CFAP298: variants seen among roughly 807,000 people sequenced by gnomAD.
The protein encoded by CFAP298 is cilia and flagella associated protein 298, also known as cilia- and flagella-associated protein 298.
In CFAP298, 38 loss-of-function variants were observed where a neutral mutation model predicts 41.0. That is an observed-to-expected ratio of 0.93 (90% CI 0.72 to 1.22). The LOEUF is 1.22. Ranked by LOEUF, CFAP298 falls within the 50% of genes most tolerant of loss-of-function variation. The pLI is 0.00. For synonymous variants in CFAP298, 137 were observed against 135.3 expected, an observed-to-expected ratio of 1.01 and a Z score of -0.09; for missense variants, 348 against 360.3, an observed-to-expected ratio of 0.97 and a Z score of 0.28.
Position 32,604,298 on chromosome 21 carries a change from C to T in CFAP298, c.376-15G>A. 1.2e-6 allele frequency: 2 copies of T among 1,613,836 alleles called. No individual in the cohort carries two copies. Among genetic ancestry groups the T allele is most frequent in the Non-Finnish European group, 8.5e-7 (1 of 1,179,842 alleles). ...TCCACTTGTTTCTGCAAGCAGAAAG[C>T]CATCGTTATCTACAGTGTGGCTAAT... On this transcript the variant is annotated splice_polypyrimidine_tract_variant and intron_variant, in intron 3 of 6. Transcript: ENST00000290155.
At chr21:32,608,482 C>A (rs2038917677) in intron 2 of CFAP298, among the ~76,000 whole-genome samples, 1 of 151,726 alleles carries the variant, frequency 6.6e-6, no homozygotes. Flanking sequence ...CATGCTGAAA[C>A]CCTGTCTCTA....
chr21:32,603,288 C>A lies in CFAP298; in HGVS notation c.539G>T (p.Gly180Val). 6.2e-7 allele frequency: 1 copy of A among 1,614,110 alleles called. No homozygotes were observed. Among genetic ancestry groups the A allele is most frequent in the South Asian group, 1.1e-5 (1 of 91,086 alleles). Reference protein sequence around the residue: ...NKEDLSGTQAGLNVIKEAEAQ... With the variant: ...NKEDLSGTQAVLNVIKEAEAQ... Reference sequence around the variant, plus strand: ...CTCTGCCTCTTTAATGACGTTGAGCCCTGCCTGGGGCCAGTCGTAAGAATG... The same window carrying A: ...CTCTGCCTCTTTAATGACGTTGAGCACTGCCTGGGGCCAGTCGTAAGAATG... Residue 180 changes from glycine (G) to valine (V), a missense_variant, in exon 5 of 7, where the codon GGG becomes GTG. Transcript: ENST00000290155.
rs746338774 is a variant in CFAP298 at position 32,601,926 on chromosome 21, C to T, written c.810G>A (p.Ala270=). The T allele has an allele frequency of 1.5e-5, 25 of 1,613,052 alleles. No homozygotes were observed. Among genetic ancestry groups the T allele is most frequent in the South Asian group, 3.3e-5 (3 of 91,058 alleles). The stretch of plus-strand genomic sequence containing the variant: ...AATGTCTTTTCAAAGCAGTGTTATC[C>T]GCCCATGGTGAGTTTAAATAGGCAT... ...DDDAYLNSPW[A]DNTALKRHFH... is the part of the protein sequence containing the mutation. Residue 270 remains alanine (A), a synonymous_variant, in exon 7 of 7, where the codon GCG becomes GCA. Coordinates refer to ENST00000290155, the MANE Select transcript of CFAP298 (RefSeq NM_021254.4).
At chr21:32,608,302 C>T (rs9974568) in intron 2 of CFAP298, among the ~76,000 whole-genome samples, 1 of 150,700 alleles carries the variant, frequency 6.6e-6, no homozygotes, top group Non-Finnish European at 1.5e-5. Context: ...CCATACATTC[C>T]TAGTAAATAA....
chr21:32,602,819 A>G, intron 5 of CFAP298: 1 of 1,392,748 alleles, frequency 7.2e-7, no homozygotes, highest in East Asian at 2.8e-5. Context: ...TCCTGTACAC[A>G]GCATCAGCAG....
chr21:32,602,606 C>T, intron 5 of CFAP298: 11 of 1,324,560 alleles, frequency 8.3e-6, no homozygotes, highest in Non-Finnish European at 1.1e-5. Flanking sequence ...CTTGACCATT[C>T]CCAAGGCAGA....
chr21:32,605,812 T>C lies in CFAP298; in HGVS notation c.376-1529A>G, dbSNP rs567267504. Among the ~76,000 whole-genome samples, 15 of 152,312 alleles carry C rather than the reference T, an allele frequency of 9.8e-5. No homozygotes were observed. In the South Asian group the frequency reaches 3.1e-3, roughly 32 times the overall value. On this transcript the variant is annotated intron_variant, in intron 3 of 6. Coordinates refer to ENST00000290155, the MANE Select transcript of CFAP298 (RefSeq NM_021254.4). Reference sequence around the variant, plus strand: ...TAACTCCAGGCAGTTAGTGTCAGAATTGAAGGATCTGCCCTTGACCTGTGG... The same window carrying C: ...TAACTCCAGGCAGTTAGTGTCAGAACTGAAGGATCTGCCCTTGACCTGTGG...
rs113336970 is a variant in CFAP298, at chr21:32,602,091, T to C, written c.763-118A>G. ...CTCTCCCTGCCCTCTAGGAGCAGGA[T>C]ACTGCCATGTCTAACACCAGGGGAC... On this transcript the variant is annotated intron_variant, in intron 6 of 6. Transcript: ENST00000290155. The C allele has an allele frequency of 6.7e-4, 573 of 855,362 alleles. 4 individuals carry two copies. In the African/African-American group the frequency reaches 7.9e-3, roughly 12 times the overall value. 53.0% of individuals were successfully genotyped at this position (855,362 alleles called of 1,614,324 possible).
intron 1 of CFAP298, among the ~76,000 whole-genome samples, chr21:32,611,343 T>TAAA (rs1386033154): frequency 8.3e-6 from 1 of 121,112 alleles, no homozygotes; most frequent in Non-Finnish European, 1.7e-5. Flanking sequence ...ATATATAATT[T>TAAA]ATTTATATTT....
rs1491095261 is a variant in CFAP298, at chr21:32,611,341, T to TATATATATATATATATATATATA, written c.139+763_139+764insTATATATATATATATATATATAT. Reference sequence around the variant, plus strand: ...ACCATATATATATATATATATATAATTTATTTATATTTATATATACATATA... The same window carrying TATATATATATATATATATATATA: ...ACCATATATATATATATATATATAATATATATATATATATATATATATATTATTTATATTTATATATACATATA... On this transcript the variant is annotated intron_variant, in intron 1 of 6. Transcript: ENST00000290155. Among the ~76,000 whole-genome samples, 244 of 118,076 alleles carry TATATATATATATATATATATATA rather than the reference T, an allele frequency of 2.1e-3. 2 individuals carry two copies. Among genetic ancestry groups the TATATATATATATATATATATATA allele is most frequent in the African/African-American group, 4.8e-3 (116 of 24,354 alleles). The allele number at this position is 118,076 out of a possible 152,430, so 77.5% of individuals were successfully genotyped here.
Position 32,604,285 on chromosome 21 carries a change from T to C in CFAP298, c.376-2A>G. The C allele has an allele frequency of 1.2e-6, 2 of 1,614,100 alleles. No homozygotes were observed. Among genetic ancestry groups the C allele is most frequent in the Non-Finnish European group, 1.7e-6 (2 of 1,180,022 alleles). On this transcript the variant is annotated splice_acceptor_variant, in intron 3 of 6. Transcript: ENST00000290155. LOFTEE classifies it high-confidence loss of function. ...ACAGACACCGGCTTCCACTTGTTTC[T>C]GCAAGCAGAAAGCCATCGTTATCTA...
rs2038952260 is a variant in CFAP298 at position 32,609,931 on chromosome 21, C to T, written c.214G>A (p.Glu72Lys). Residue 72 changes from glutamate (E) to lysine (K), a missense_variant, in exon 2 of 7, where the codon GAA (glutamate) becomes AAA (lysine). Glu to Lys is a moderately conservative substitution (Grantham distance 56, BLOSUM62 1). Transcript: ENST00000290155. ...MQGLTDDQIE[E>K]LKLKDEWGEK... ...CCCCATTCATCCTTCAATTTCAATT[C>T]TTCAATCTGATCATCGGTCAGTCCT... The T allele has an allele frequency of 6.2e-7, 1 of 1,614,118 alleles. No homozygotes were observed. Among genetic ancestry groups the T allele is most frequent in the East Asian group, 2.2e-5 (1 of 44,884 alleles).
chr21:32,607,890 T>C (rs2038903287), intron 2 of CFAP298, among the ~76,000 whole-genome samples, 174 bp from the exon 3 acceptor site: 2 of 152,176 alleles, frequency 1.3e-5, no homozygotes, highest in Admixed American at 1.3e-4. Context: ...GGTGAAGACC[T>C]CTTCCCAACA....
At chr21:32,611,343 T>TATATATAAA (rs1568998532) in intron 1 of CFAP298, among the ~76,000 whole-genome samples, 9 of 121,138 alleles carry the variant, frequency 7.4e-5, no homozygotes, top group Non-Finnish European at 1.7e-5. Flanking sequence ...ATATATAATT[T>TATATATAAA]ATTTATATTT....
At position 32,599,449 on chromosome 21, in the gene CFAP298, C is replaced by G. The variant is rs984893834; in HGVS notation, c.*2414G>C. 6.6e-6 allele frequency among the ~76,000 whole-genome samples: 1 copy of G among 152,164 alleles called. No homozygotes were observed. On this transcript the variant is annotated 3_prime_UTR_variant, in exon 7 of 7. Transcript: ENST00000290155. ...TATGTCAAAGGACAAAACCACAGACCTAGATGGGCACCGTGCATACAGCAG... is the reference window on the plus strand; with the variant it reads ...TATGTCAAAGGACAAAACCACAGACGTAGATGGGCACCGTGCATACAGCAG...
intron 2 of CFAP298, 29 bp downstream of exon 2, chr21:32,609,809 A>C: frequency 6.3e-7 from 1 of 1,596,116 alleles, no homozygotes; most frequent in Non-Finnish European, 8.6e-7. Flanking sequence ...TGTATCAAGC[A>C]TGCACATAGA....
chr21:32,610,153 G>C (rs980851328), intron 1 of CFAP298, 148 bp from the exon 2 acceptor site: 1 of 713,188 alleles, frequency 1.4e-6, no homozygotes, highest in African/African-American at 1.8e-5. Context: ...GCCAGACCTG[G>C]CCTGGGCCTT....
chr21:32,612,214 G>T lies in CFAP298; in HGVS notation c.30C>A (p.Asp10Glu). Residue 10 changes from aspartate to glutamate, a missense_variant, in exon 1 of 7, where the codon GAC becomes GAA. Transcript: ENST00000290155. ...GCGCCTGCAGCAGGAACTGGCTCTC[G>T]TCGCCCCGCTTCACGTGCAGCAGAA... is the stretch of plus-strand genomic sequence containing the variant. MVLLHVKRGDESQFLLQAPG... is the reference protein window; with the variant it reads MVLLHVKRGEESQFLLQAPG... The T allele has an allele frequency of 6.2e-7, 1 of 1,606,882 alleles. No homozygotes were observed. The highest frequency in any genetic ancestry group is 8.5e-7 in the Non-Finnish European group (1 of 1,176,514).
At chr21:32,605,297 GCTCCAA>G (rs2038843587) in intron 3 of CFAP298, among the ~76,000 whole-genome samples, 1 of 152,222 alleles carries the variant, frequency 6.6e-6, no homozygotes, top group Admixed American at 6.5e-5. Context: ...CAGGCACAGA[GCTCCAA>G]AACTCTTGGA....
Sources: allele counts gnomAD v4.1 joint callset (sites outside exome capture counted in the v4.1 genomes callset), GRCh38; gene constraint gnomAD v4.1.1; transcripts MANE v1.5; gene names NCBI Gene and HGNC (gene_info 2026-07-23, HGNC 2026-07-21).